COL23A1: variants seen among roughly 807,000 people sequenced by gnomAD.
The protein encoded by COL23A1 is collagen type XXIII alpha 1 chain.
A neutral mutation model predicts 99.3 loss-of-function variants in COL23A1; 97 were observed. The observed-to-expected ratio is 0.98, with a 90% CI of 0.83 to 1.16. The LOEUF (loss-of-function observed/expected upper bound fraction) is 1.16. Among genes scored for constraint, COL23A1 ranks in the 50% most tolerant of loss-of-function variants. COL23A1 has a pLI of 0.00. For synonymous variants in COL23A1, 320 were observed against 308.2 expected, an observed-to-expected ratio of 1.04 and a Z score of -0.40; for missense variants, 762 against 757.4, an observed-to-expected ratio of 1.01 and a Z score of -0.07.
chr5:178,560,580 G>C, intron 2 of COL23A1, 102 bp downstream of exon 2: 1 of 1,035,434 alleles, frequency 9.7e-7, no homozygotes, highest in East Asian at 2.6e-5. Flanking sequence ...GAAGACGACA[G>C]CCTGACACCC....
chr5:178,479,632 G>A (rs1486234921), intron 2 of COL23A1, among the ~76,000 whole-genome samples: 1 of 152,178 alleles, frequency 6.6e-6, no homozygotes, highest in Non-Finnish European at 1.5e-5. Flanking sequence ...GTGGAGAAAT[G>A]TGAATTGGGG....
At chr5:178,507,249 T>C (rs892968947) in intron 2 of COL23A1, among the ~76,000 whole-genome samples, 5 of 152,176 alleles carry the variant, frequency 3.3e-5, no homozygotes, top group Non-Finnish European at 5.9e-5. Flanking sequence ...CCCTCCTCAT[T>C]GCCTCTTACA....
intron 7 of COL23A1, 51 bp from the exon 8 acceptor site, chr5:178,267,384 C>T (rs769654564): frequency 2.5e-6 from 4 of 1,597,210 alleles, no homozygotes; most frequent in Non-Finnish European, 3.4e-6. Context: ...ATCGTTTCTT[C>T]ACATTTCCCG....
intron 2 of COL23A1, among the ~76,000 whole-genome samples, chr5:178,430,020 C>T (rs1355120211): frequency 6.6e-6 from 1 of 152,152 alleles, no homozygotes; most frequent in Non-Finnish European, 1.5e-5. Flanking sequence ...ACAACCTGTC[C>T]CCAGGAAGTA....
chr5:178,584,035 A>T (rs1562112710), intron 1 of COL23A1, among the ~76,000 whole-genome samples: 1 of 151,556 alleles, frequency 6.6e-6, no homozygotes, highest in African/African-American at 2.4e-5. Context: ...GCTGATTATT[A>T]TTTTTTTTGA....
chr5:178,355,157 G>C (rs931767253), intron 2 of COL23A1, among the ~76,000 whole-genome samples: 1 of 152,038 alleles, frequency 6.6e-6, no homozygotes, highest in Non-Finnish European at 1.5e-5. Context: ...ATGACTTAAA[G>C]CATATGGAGG....
chr5:178,270,518 G>A, intron 5 of COL23A1, 155 bp from the exon 6 acceptor site: 1 of 843,712 alleles, frequency 1.2e-6, no homozygotes, highest in Non-Finnish European at 1.9e-6. Flanking sequence ...TGAGGGAGGG[G>A]AAGGCATCTG....
intron 2 of COL23A1, among the ~76,000 whole-genome samples, chr5:178,413,723 C>A (rs1765163757): frequency 1.3e-5 from 2 of 152,114 alleles, no homozygotes; most frequent in Non-Finnish European, 2.9e-5. Flanking sequence ...GTCTCATTAG[C>A]CTATGTGGGG....
intron 2 of COL23A1, among the ~76,000 whole-genome samples, chr5:178,447,433 C>A (rs963019355): frequency 6.6e-6 from 1 of 152,164 alleles, no homozygotes; most frequent in Non-Finnish European, 1.5e-5. Flanking sequence ...GACGCATATA[C>A]GGCAGTGGTC....
chr5:178,473,461 AT>A (rs58255875), intron 2 of COL23A1, among the ~76,000 whole-genome samples: 71,209 of 95,026 alleles, frequency 0.75, 25,783 homozygotes, highest in East Asian at 0.91. Flanking sequence ...CATCCGGCTA[AT>A]TTTTTTTTTT....
intron 2 of COL23A1, among the ~76,000 whole-genome samples, chr5:178,535,010 G>A (rs533045425): frequency 2.6e-5 from 3 of 114,706 alleles, no homozygotes; most frequent in African/African-American, 9.7e-5. Flanking sequence ...CACTTTTGTC[G>A]CCCAGGCTGG....
rs1469457545 is a variant in COL23A1 at position 178,387,785 on chromosome 5, C to G, written c.362-80866G>C. On this transcript the variant is annotated intron_variant, in intron 2 of 28. Transcript: ENST00000390654. The surrounding 1 kb of genome is among the most constrained non-coding windows in gnomAD (Gnocchi z 4.7). ...ACAGTGTGGGCCATTTTCCCCCGCG[C>G]TGTGCTTGCGGAGTTTCCCACTCCT... Among the ~76,000 whole-genome samples the G allele has an allele frequency of 6.6e-6, 1 of 152,228 alleles. No individual in the cohort carries two copies. Among genetic ancestry groups the G allele is most frequent in the Non-Finnish European group, 1.5e-5 (1 of 68,040 alleles).
intron 2 of COL23A1, among the ~76,000 whole-genome samples, chr5:178,531,341 G>A (rs1284512012): frequency 6.6e-6 from 1 of 152,178 alleles, no homozygotes; most frequent in African/African-American, 2.4e-5. Context: ...GTGTGGGGTG[G>A]GAACCCAGGT....
chr5:178,330,978 T>C (rs1561868429), intron 2 of COL23A1, among the ~76,000 whole-genome samples: 1 of 152,252 alleles, frequency 6.6e-6, no homozygotes, highest in Non-Finnish European at 1.5e-5. Context: ...CCTGGCTCAT[T>C]GCATGTTTCC....
At chr5:178,505,780 G>A (rs910681023) in intron 2 of COL23A1, among the ~76,000 whole-genome samples, 3 of 152,162 alleles carry the variant, frequency 2.0e-5, no homozygotes, top group Non-Finnish European at 4.4e-5. Context: ...GGACTATGGT[G>A]GGGACTTGGG....
At chr5:178,498,027 T>C (rs1202064958) in intron 2 of COL23A1, among the ~76,000 whole-genome samples, 2 of 151,154 alleles carry the variant, frequency 1.3e-5, no homozygotes, top group East Asian at 3.9e-4. Context: ...TCAACACCTA[T>C]GTACAACAAC....
intron 2 of COL23A1, among the ~76,000 whole-genome samples, chr5:178,463,727 G>A (rs1185305349): frequency 1.3e-5 from 2 of 152,136 alleles, no homozygotes; most frequent in African/African-American, 2.4e-5. Flanking sequence ...GCCCTGCCGC[G>A]GTGTAAACAC....
At chr5:178,512,294 C>A (rs1759249670) in intron 2 of COL23A1, among the ~76,000 whole-genome samples, 1 of 152,178 alleles carries the variant, frequency 6.6e-6, no homozygotes, top group Non-Finnish European at 1.5e-5. Context: ...ATATCTTGTG[C>A]AATAATGTTT....
chr5:178,308,477 C>T lies in COL23A1; in HGVS notation c.362-1558G>A, dbSNP rs1056497198. 6.6e-6 allele frequency among the ~76,000 whole-genome samples: 1 copy of T among 152,184 alleles called. No homozygotes were observed. Among genetic ancestry groups the T allele is most frequent in the Non-Finnish European group, 1.5e-5 (1 of 68,038 alleles). The stretch of plus-strand genomic sequence containing the variant: ...ACAGACCCTGAATTTGGGGTTTATG[C>T]TGGAATTGCCAGGGGCTGTGTTGAG... On this transcript the variant is annotated intron_variant, in intron 2 of 28. Transcript: ENST00000390654. This position sits in a 1 kb window ranked among gnomAD's most constrained non-coding sequence, Gnocchi z 5.1.
Sources: gnomAD v4.1 joint callset for allele counts (sites outside exome capture counted in the v4.1 genomes callset) on GRCh38, gnomAD v4.1.1 for gene constraint, Gnocchi (gnomAD v3.1) non-coding constraint, MANE v1.5 for transcripts, NCBI Gene and HGNC (gene_info 2026-07-23, HGNC 2026-07-21) for gene names.